Variants in DNAAF11 observed in about 807,000 individuals in gnomAD.
The protein encoded by DNAAF11 is leucine rich repeat containing 6.
DNAAF11 carries 45 observed loss-of-function variants against 60.8 expected under a neutral mutation model. The ratio of observed to expected loss-of-function variants is 0.74; its 90% CI spans 0.58 to 0.95. The LOEUF (loss-of-function observed/expected upper bound fraction) is 0.95. Ranked by LOEUF, DNAAF11 falls within the 40% of genes least tolerant of loss-of-function variation. The pLI is 0.00. For missense variants in DNAAF11, 546 were observed against 546.2 expected, an observed-to-expected ratio of 1.00 and a Z score of 0.00; for synonymous variants, 191 against 183.5, an observed-to-expected ratio of 1.04 and a Z score of -0.33.
At chr8:132,696,780 A>T in the DNAAF11 span, among the ~76,000 whole-genome samples, 1 of 152,210 alleles carries the variant, frequency 6.6e-6, no homozygotes, top group African/African-American at 2.4e-5. Flanking sequence ...TTAGCAAATG[A>T]ATGCAGAAAC....
At chr8:132,576,538 G>C (rs1814767336) in intron 11 of DNAAF11, among the ~76,000 whole-genome samples, 1 of 152,156 alleles carries the variant, frequency 6.6e-6, no homozygotes, top group Non-Finnish European at 1.5e-5. Context: ...AACTGAAAGG[G>C]ATGTGTTGTT....
At chr8:132,602,183 ATTCATT>A (rs1817695700) in intron 10 of DNAAF11, among the ~76,000 whole-genome samples, 1 of 152,046 alleles carries the variant, frequency 6.6e-6, no homozygotes, top group African/African-American at 2.4e-5. Flanking sequence ...TTTTTATTTC[ATTCATT>A]TTCAAGTATT....
At chr8:132,630,792 A>G (rs1820720351) in intron 5 of DNAAF11, among the ~76,000 whole-genome samples, 1 of 152,190 alleles carries the variant, frequency 6.6e-6, no homozygotes, top group Non-Finnish European at 1.5e-5. Context: ...TTCACTAGTA[A>G]CTACAGAAAT....
chr8:132,634,229 C>T (rs1821075433), intron 4 of DNAAF11, among the ~76,000 whole-genome samples: 2 of 152,044 alleles, frequency 1.3e-5, no homozygotes, highest in Non-Finnish European at 2.9e-5. Flanking sequence ...TTCTTGGCAG[C>T]CAAAGCGAAA....
intron 10 of DNAAF11, among the ~76,000 whole-genome samples, chr8:132,604,360 T>C (rs1179346272): frequency 3.3e-5 from 5 of 152,234 alleles, no homozygotes; most frequent in African/African-American, 1.2e-4. Flanking sequence ...TCTTCACTTC[T>C]TATGCTCAGT....
In DNAAF11 at chr8:132,570,872, C is replaced by A. The variant is rs1173219468; in HGVS notation, c.*1434G>T. On this transcript the variant is annotated 3_prime_UTR_variant, in exon 12 of 12. Coordinates refer to ENST00000620350, the MANE Select transcript of DNAAF11 (RefSeq NM_012472.6). ...AACAATTTCAGCAGCATGATAATTT[C>A]CATAGACCTCTCCACAAGCTCCCAA... Among the ~76,000 whole-genome samples the A allele has an allele frequency of 6.6e-6, 1 of 152,170 alleles. No homozygotes were observed. The highest frequency in any genetic ancestry group is 1.5e-5 in the Non-Finnish European group (1 of 68,024).
chr8:132,619,309 G>C (rs1008209302), intron 7 of DNAAF11, among the ~76,000 whole-genome samples: 6 of 148,112 alleles, frequency 4.1e-5, no homozygotes, highest in African/African-American at 5.0e-5. Flanking sequence ...GGGGTGGGGG[G>C]ATGGGGGAGG....
At chr8:132,680,169 A>G (rs1286997797), upstream of DNAAF11, among the ~76,000 whole-genome samples, 1 of 152,230 alleles carries the variant, frequency 6.6e-6, no homozygotes, top group East Asian at 1.9e-4. Context: ...TCACGATGTG[A>G]CAGCTCTAAG....
In DNAAF11 at chr8:132,622,593, C is replaced by G. The variant is rs2130271136; in HGVS notation, c.914+18G>C. 6.2e-7 allele frequency: 1 copy of G among 1,602,642 alleles called. No individual in the cohort carries two copies. The highest frequency in any genetic ancestry group is 8.5e-7 in the Non-Finnish European group (1 of 1,170,712). ...CTGACACTTTTGGGTCTTTAACGCT[C>G]TATTTGGCCTCACATACTTGGGCTC... On this transcript the variant is annotated intron_variant, in intron 7 of 11. Coordinates refer to ENST00000620350, the MANE Select transcript of DNAAF11 (RefSeq NM_012472.6).
chr8:132,638,061 T>C lies in DNAAF11; in HGVS notation c.303A>G (p.Gly101=). 1 of 1,614,172 alleles carries C rather than the reference T, an allele frequency of 6.2e-7. No individual in the cohort carries two copies. Among genetic ancestry groups the C allele is most frequent in the Non-Finnish European group, 8.5e-7 (1 of 1,180,004 alleles). ...AKLDLTVNFI[G]ELSSIKNLQH... Reference sequence around the variant, plus strand: ...GCAAGTTTTTAATGCTGCTCAGCTCTCCAATGAAATTCACAGTCAGGTCAA... The same window carrying C: ...GCAAGTTTTTAATGCTGCTCAGCTCCCCAATGAAATTCACAGTCAGGTCAA... Residue 101 remains glycine (G), a synonymous_variant, in exon 4 of 12, where the codon GGA becomes GGG. Coordinates refer to ENST00000620350, the MANE Select transcript of DNAAF11 (RefSeq NM_012472.6).
chr8:132,583,872 CATTTTA>C, intron 10 of DNAAF11, 93 bp from the exon 11 acceptor site: 1 of 862,036 alleles, frequency 1.2e-6, no homozygotes, highest in Non-Finnish European at 1.9e-6. Flanking sequence ...GATACTAAAA[CATTTTA>C]ATTTTTTCTC....
the DNAAF11 span, among the ~76,000 whole-genome samples, chr8:132,700,251 T>C: frequency 1.3e-5 from 2 of 152,170 alleles, no homozygotes; most frequent in African/African-American, 2.4e-5. Context: ...GTGAGGTTCC[T>C]CAGAGACTCC....
chr8:132,653,272 C>T lies in DNAAF11; in HGVS notation c.256+3558G>A, dbSNP rs535323278. 2.5e-4 allele frequency among the ~76,000 whole-genome samples: 38 copies of T among 151,986 alleles called. No individual in the cohort carries two copies. The East Asian group carries it at 5.0e-3, about 20-fold the overall frequency. On this transcript the variant is annotated intron_variant, in intron 3 of 11. Transcript: ENST00000620350. ...GAAATGGTAAAAATGTAGTTGTCAA[C>T]GAATAATTCTCTATCTGGGAAAACT...
At chr8:132,698,932 G>A in the DNAAF11 span, among the ~76,000 whole-genome samples, 4 of 71,766 alleles carry the variant, frequency 5.6e-5, no homozygotes, top group African/African-American at 8.9e-4. Context: ...ATATATATAT[G>A]TATACATATA....
At chr8:132,622,852 A>C in intron 6 of DNAAF11, 164 bp from the exon 7 acceptor site, 1 of 581,960 alleles carries the variant, frequency 1.7e-6, no homozygotes, top group Non-Finnish European at 3.0e-6. Flanking sequence ...CATTCCTTTA[A>C]TTCTATGCTG....
intron 7 of DNAAF11, among the ~76,000 whole-genome samples, chr8:132,616,121 T>G (rs1057211595): frequency 6.6e-6 from 1 of 152,080 alleles, no homozygotes; most frequent in Non-Finnish European, 1.5e-5. Context: ...TGGCAGAGAT[T>G]GCTATTTAGT....
At chr8:132,585,321 G>A (rs768914196) in intron 10 of DNAAF11, among the ~76,000 whole-genome samples, 4 of 152,150 alleles carry the variant, frequency 2.6e-5, no homozygotes, top group African/African-American at 9.7e-5. Flanking sequence ...AATGCAACAC[G>A]TGTATGGATG....
chr8:132,668,482 G>C (rs1045008095), intron 1 of DNAAF11, among the ~76,000 whole-genome samples: 1 of 151,798 alleles, frequency 6.6e-6, no homozygotes, highest in Non-Finnish European at 1.5e-5. Flanking sequence ...ACAGAGTCTC[G>C]CTCTGTCGCC....
chr8:132,701,677 T>C, the DNAAF11 span, among the ~76,000 whole-genome samples: 1 of 152,204 alleles, frequency 6.6e-6, no homozygotes, highest in East Asian at 1.9e-4. Context: ...TTGGATAAAG[T>C]GTCTTTAAAA....
Sources: gnomAD v4.1 joint callset for allele counts (sites outside exome capture counted in the v4.1 genomes callset) on GRCh38, gnomAD v4.1.1 for gene constraint, MANE v1.5 for transcripts, NCBI Gene and HGNC (gene_info 2026-07-23, HGNC 2026-07-21) for gene names.